The following POU2F1 variants were observed in gnomAD, a reference collection of about 807,000 sequenced individuals.
POU2F1 encodes POU class 2 homeobox 1.
A neutral mutation model predicts 84.9 loss-of-function variants in POU2F1; 16 were observed. That is an observed-to-expected ratio of 0.19 (90% CI 0.13 to 0.29). The LOEUF (loss-of-function observed/expected upper bound fraction) is 0.29, where lower values mean the gene tolerates loss of function less well. Ranked by LOEUF, POU2F1 falls within the 10% of genes least tolerant of loss-of-function variation. The pLI, the probability that POU2F1 is intolerant of heterozygous loss-of-function variation, is 1.00. For synonymous variants in POU2F1, 368 were observed against 368.3 expected (o/e 1.00, Z 0.01); for missense variants, 738 against 942.6 (o/e 0.78, Z 2.84).
At chr1:167,372,435 A>G (rs1226314040) in intron 5 of POU2F1, among the ~76,000 whole-genome samples, 2 of 152,202 alleles carry the variant, frequency 1.3e-5, no homozygotes, top group African/African-American at 4.8e-5. Context: ...CAAAAGAAAA[A>G]CATTTTTCTT....
At chr1:167,264,300 A>AGG (rs1175510347) in intron 1 of POU2F1, among the ~76,000 whole-genome samples, 1 of 151,928 alleles carries the variant, frequency 6.6e-6, no homozygotes, top group Non-Finnish European at 1.5e-5. Flanking sequence ...GCATGTAGGT[A>AGG]GGGCAAAGAG....
At chr1:167,395,102 C>T (rs1335141631) in intron 9 of POU2F1, among the ~76,000 whole-genome samples, 3 of 152,168 alleles carry the variant, frequency 2.0e-5, no homozygotes, top group Non-Finnish European at 2.9e-5. Flanking sequence ...ATTTAAACTC[C>T]GTGAGCCTCT....
chr1:167,342,864 A>G (rs1303785991), intron 2 of POU2F1, among the ~76,000 whole-genome samples: 1 of 152,166 alleles, frequency 6.6e-6, no homozygotes, highest in Non-Finnish European at 1.5e-5. Flanking sequence ...TAAGCCTGAG[A>G]GTAGAAATAC....
chr1:167,404,120 G>GA (rs1649393033), intron 13 of POU2F1, among the ~76,000 whole-genome samples: 1 of 150,830 alleles, frequency 6.6e-6, no homozygotes, highest in Admixed American at 6.6e-5. Flanking sequence ...TGCCCTCATT[G>GA]GCCTTCAGCA....
chr1:167,349,947 A>G (rs1200650511), intron 2 of POU2F1, among the ~76,000 whole-genome samples: 1 of 152,236 alleles, frequency 6.6e-6, no homozygotes, highest in East Asian at 1.9e-4. Context: ...AGAAATTTCT[A>G]CTGAACTGTA....
At chr1:167,328,989 T>C in intron 1 of POU2F1, 1 of 1,028,486 alleles carries the variant, frequency 9.7e-7, no homozygotes, top group Non-Finnish European at 1.2e-6. Context: ...AAAGAGGAAC[T>C]TTTTCATGCT....
intron 2 of POU2F1, among the ~76,000 whole-genome samples, chr1:167,361,445 G>T (rs1659346251): frequency 6.6e-6 from 1 of 152,018 alleles, no homozygotes; most frequent in African/African-American, 2.4e-5. Flanking sequence ...TATGGTTTTT[G>T]TTTTAATTCT....
intron 1 of POU2F1, among the ~76,000 whole-genome samples, chr1:167,290,729 A>G (rs1653867267): frequency 1.3e-5 from 2 of 152,226 alleles, no homozygotes; most frequent in Admixed American, 1.3e-4. Context: ...AAAGATCGGC[A>G]AAACATTGAT....
At chr1:167,330,922 T>C (rs1657044322) in intron 1 of POU2F1, among the ~76,000 whole-genome samples, 1 of 152,120 alleles carries the variant, frequency 6.6e-6, no homozygotes, top group Admixed American at 6.5e-5. Context: ...CATGGAGCAG[T>C]ATGTATGCTA....
intron 1 of POU2F1, among the ~76,000 whole-genome samples, chr1:167,280,849 TTAAG>T (rs1463811813): frequency 6.6e-6 from 1 of 152,230 alleles, no homozygotes; most frequent in East Asian, 1.9e-4. Flanking sequence ...AAGGCGTTTA[TTAAG>T]TGTTTATATG....
intron 13 of POU2F1, among the ~76,000 whole-genome samples, chr1:167,406,085 A>G (rs983666902): frequency 5.1e-4 from 77 of 152,188 alleles, no homozygotes; most frequent in African/African-American, 1.7e-3. Flanking sequence ...TTACAAACTC[A>G]TATTCCTCGA....
intron 1 of POU2F1, among the ~76,000 whole-genome samples, chr1:167,237,060 G>A (rs1268527765): frequency 2.6e-5 from 4 of 152,132 alleles, no homozygotes; most frequent in Non-Finnish European, 4.4e-5. Context: ...GACTTGGGGA[G>A]CAAGAAATTT....
chr1:167,338,086 G>A, intron 2 of POU2F1: 1 of 456,504 alleles, frequency 2.2e-6, no homozygotes, highest in Non-Finnish European at 4.4e-6. Flanking sequence ...AAATTACAGT[G>A]TATTTCCATA....
chr1:167,280,461 C>G (rs1028045905), intron 1 of POU2F1, among the ~76,000 whole-genome samples: 2 of 151,610 alleles, frequency 1.3e-5, no homozygotes, highest in African/African-American at 2.4e-5. Flanking sequence ...ACATGTTAGG[C>G]TCTCAATAAA....
chr1:167,411,764 G>A (rs746372326), intron 13 of POU2F1, among the ~76,000 whole-genome samples, 195 bp from the exon 14 acceptor site: 49 of 152,084 alleles, frequency 3.2e-4, no homozygotes, highest in African/African-American at 1.1e-3. Flanking sequence ...CTTAAAGTAG[G>A]GTTCCTAGCT....
At position 167,358,716 on chromosome 1, in the gene POU2F1, C is replaced by CTTTTTTTT. The variant is rs1197814755; in HGVS notation, c.128-6737_128-6730dup. 7.7e-3 allele frequency among the ~76,000 whole-genome samples: 296 copies of CTTTTTTTT among 38,316 alleles called. 40 individuals are homozygous for CTTTTTTTT. The highest frequency in any genetic ancestry group is 8.8e-3 in the Non-Finnish European group (144 of 16,422). 25.1% of individuals were successfully genotyped at this position (38,316 alleles called of 152,430 possible). A position where few individuals can be genotyped will look rare whatever the true frequency, so the allele number is the denominator to read the frequency against. ...TTCTTAATCTTTTTATTATCTGCAG[C>CTTTTTTTT]TTTTTTTTTTTTTTTTTTTTTGAGA... On this transcript the variant is annotated intron_variant, in intron 2 of 15. Transcript: ENST00000367866.
intron 1 of POU2F1, among the ~76,000 whole-genome samples, chr1:167,228,698 T>G (rs1354481528): frequency 6.6e-6 from 1 of 152,238 alleles, no homozygotes; most frequent in Non-Finnish European, 1.5e-5. Flanking sequence ...TTAGCCTGAT[T>G]AGTAGATCAA....
chr1:167,354,849 A>G (rs1471738186), intron 2 of POU2F1, among the ~76,000 whole-genome samples: 1 of 151,754 alleles, frequency 6.6e-6, no homozygotes, highest in Admixed American at 6.6e-5. Context: ...ATTCCTGTTC[A>G]TTTATCTTGC....
chr1:167,414,521 G>A, intron 15 of POU2F1: 23 of 985,250 alleles, frequency 2.3e-5, no homozygotes, highest in Non-Finnish European at 2.8e-5. Context: ...ACATGTAGGA[G>A]TGAGGTTATA....
Sources: gnomAD v4.1 joint callset for allele counts (sites outside exome capture counted in the v4.1 genomes callset) on GRCh38, gnomAD v4.1.1 for gene constraint, MANE v1.5 for transcripts, NCBI Gene and HGNC (gene_info 2026-07-23, HGNC 2026-07-21) for gene names.